The following DDX19B variants were observed in gnomAD, a reference collection of about 807,000 sequenced individuals.
DDX19B encodes the protein ATP-dependent RNA helicase DDX19B.
A neutral mutation model predicts 58.1 loss-of-function variants in DDX19B; 27 were observed. That is an observed-to-expected ratio of 0.46 (90% CI 0.34 to 0.64). The LOEUF is 0.64. Among genes scored for constraint, DDX19B ranks in the 30% least tolerant of loss-of-function variants. The pLI, the probability that DDX19B is intolerant of heterozygous loss-of-function variation, is 0.01. For missense variants in DDX19B, 399 were observed against 596.5 expected (o/e 0.67, Z 3.45); for synonymous variants, 187 against 214.4 (o/e 0.87, Z 1.12).
chr16:70,332,827 G>T, intron 10 of DDX19B, 141 bp from the exon 11 acceptor site: 1 of 1,492,354 alleles, frequency 6.7e-7, no homozygotes, highest in Admixed American at 1.9e-5. Context: ...TTCAGATCTG[G>T]CTTCCTGCAC....
At chr16:70,323,075 G>A (rs1962935589) in intron 5 of DDX19B, among the ~76,000 whole-genome samples, 1 of 151,904 alleles carries the variant, frequency 6.6e-6, no homozygotes, top group South Asian at 2.1e-4. Flanking sequence ...TCTTTGGCCT[G>A]CTGCGGCTGC....
At chr16:70,296,325 G>C (rs111603596), upstream of DDX19B, among the ~76,000 whole-genome samples, 1 of 150,908 alleles carries the variant, frequency 6.6e-6, no homozygotes, top group African/African-American at 2.4e-5. Context: ...TTTAAGAGGC[G>C]ATGGTTTCAC....
chr16:70,306,918 TTC>T (rs1961786526), intron 1 of DDX19B, among the ~76,000 whole-genome samples: 1 of 152,216 alleles, frequency 6.6e-6, no homozygotes. Context: ...CTAATCTACT[TTC>T]TGTCTCTTTA....
At chr16:70,318,867 G>C (rs538920326) in intron 5 of DDX19B, among the ~76,000 whole-genome samples, 15 of 151,690 alleles carry the variant, frequency 9.9e-5, no homozygotes, top group Admixed American at 5.3e-4. Context: ...CACTTTGGGA[G>C]GCCTAGCCAG....
At chr16:70,308,200 G>A (rs1420544503) in intron 1 of DDX19B, among the ~76,000 whole-genome samples, 1 of 151,574 alleles carries the variant, frequency 6.6e-6, no homozygotes, top group Non-Finnish European at 1.5e-5. Flanking sequence ...TGATCCACCT[G>A]CCTCGGCCTC....
rs1222953281 is a variant in DDX19B, at chr16:70,329,348, C to A, written c.664C>A (p.Leu222Met). 1 of 1,614,068 alleles carries A rather than the reference C, an allele frequency of 6.2e-7. No individual in the cohort carries two copies. The highest frequency in any genetic ancestry group is 1.7e-5 in the Admixed American group (1 of 60,004). Residue 222 changes from leucine to methionine, a missense_variant, in exon 8 of 12, where the codon CTG (leucine) becomes ATG (methionine). This residue lies in a region of DDX19B where 198 missense variants were observed against 345.9 expected (regional missense o/e 0.57). Coordinates refer to ENST00000288071, the MANE Select transcript of DDX19B (RefSeq NM_007242.7). ...QIVIGTPGTV[L>M]DWCSKLKFID... ...TGTCATTGGCACCCCTGGGACTGTG[C>A]TGGACTGGTGCTCCAAGCTCAAGTT...
intron 4 of DDX19B, 173 bp from the exon 5 acceptor site, chr16:70,317,323 G>A (rs953242426): frequency 1.2e-4 from 52 of 418,482 alleles, no homozygotes; most frequent in African/African-American, 1.0e-3. Context: ...GGATGTTGCA[G>A]TGAGCCGAGA....
chr16:70,306,518 G>C (rs1035853334), intron 1 of DDX19B, among the ~76,000 whole-genome samples: 1 of 152,166 alleles, frequency 6.6e-6, no homozygotes, highest in Admixed American at 6.6e-5. Context: ...GTTAGGAGTA[G>C]GTAGCTTTGA....
rs1300775673 is a variant in DDX19B, at chr16:70,333,647, G to A, written c.*65G>A. The A allele has an allele frequency of 6.2e-7, 1 of 1,612,510 alleles. No homozygotes were observed. The highest frequency in any genetic ancestry group is 8.5e-7 in the Non-Finnish European group (1 of 1,178,628). On this transcript the variant is annotated 3_prime_UTR_variant, in exon 12 of 12. Coordinates refer to ENST00000288071, the MANE Select transcript of DDX19B (RefSeq NM_007242.7). The stretch of plus-strand genomic sequence containing the variant: ...CCTGCACAGGAGACAAGTGCGTTCA[G>A]GGCACAGGCCCCGACATCACCCCAA...
intron 10 of DDX19B, among the ~76,000 whole-genome samples, chr16:70,332,250 C>G (rs1963523098): frequency 6.6e-6 from 1 of 152,166 alleles, no homozygotes; most frequent in Admixed American, 6.5e-5. Flanking sequence ...TGCTGTATGC[C>G]TGTATGTGCC....
At chr16:70,298,945 T>G (rs937987403), upstream of DDX19B, 72 of 301,634 alleles carry the variant, frequency 2.4e-4, 1 homozygote, top group Admixed American at 2.0e-4. Flanking sequence ...GTTCAATCTG[T>G]ATTAGTGCCT....
chr16:70,299,074 C>G, upstream of DDX19B: 1 of 1,195,756 alleles, frequency 8.4e-7, no homozygotes, highest in Non-Finnish European at 1.1e-6. Context: ...TTGCTCTGCC[C>G]GGGGTTGAGG....
chr16:70,290,058 A>T, upstream of DDX19B: 1 of 292,738 alleles, frequency 3.4e-6, no homozygotes, highest in East Asian at 8.9e-5. Context: ...GAAAAAAAAA[A>T]GTTAATATTT....
Position 70,329,401 on chromosome 16 carries a change from T to C in DDX19B, c.717T>C (p.Phe239=). The change falls in exon 8 of 12, where the codon TTT becomes TTC. Residue 239 remains phenylalanine (F), a synonymous_variant. Transcript: ENST00000288071. Reference sequence around the variant, plus strand: ...TTGATCCCAAGAAAATCAAGGTGTTTGTTCTGGATGAGGCTGATGTCATGA... The same window carrying C: ...TTGATCCCAAGAAAATCAAGGTGTTCGTTCTGGATGAGGCTGATGTCATGA... The part of the protein sequence containing the change: ...KFIDPKKIKV[F]VLDEADVMIA... 2.5e-6 allele frequency: 4 copies of C among 1,613,958 alleles called. No homozygotes were observed. Among genetic ancestry groups the C allele is most frequent in the Non-Finnish European group, 3.4e-6 (4 of 1,180,018 alleles).
chr16:70,312,556 C>A lies in DDX19B; in HGVS notation c.58-53C>A, dbSNP rs183188399. The A allele has an allele frequency of 9.6e-5, 148 of 1,535,624 alleles. No homozygotes were observed. In the African/African-American group the frequency reaches 1.8e-3, roughly 18 times the overall value. ...TAGGGAGGCTCTGTTGATTCCAAAT[C>A]TTTTTAAGTGCTTTTCCTGACACTT... On this transcript the variant is annotated intron_variant, in intron 1 of 11. Transcript: ENST00000288071.
At chr16:70,293,597 A>ATTTTTTTTTTTTTTTTTTTTTTTTTTTTT (rs71151182), upstream of DDX19B, among the ~76,000 whole-genome samples, 33 of 77,018 alleles carry the variant, frequency 4.3e-4, 6 homozygotes, top group African/African-American at 1.3e-3. Context: ...GGATGGCTGA[A>ATTTTTTTTTTTTTTTTTTTTTTTTTTTTT]TTTTTTTTTT....
At chr16:70,319,582 T>TC (rs974322417) in intron 5 of DDX19B, 2 of 151,820 alleles carry the variant, frequency 1.3e-5, no homozygotes, top group African/African-American at 4.8e-5. Flanking sequence ...ATCTCTTTTT[T>TC]TTTTTTGTCT....
rs1198376700 is a variant in DDX19B at position 70,325,455 on chromosome 16, T to C, written c.493-119T>C. 5.8e-6 allele frequency: 4 copies of C among 691,852 alleles called. No homozygotes were observed. The Admixed American group carries it at 1.0e-4, about 18-fold the overall frequency. 42.9% of individuals were successfully genotyped at this position (691,852 alleles called of 1,614,324 possible). A position where few individuals can be genotyped will look rare whatever the true frequency, so the allele number is the denominator to read the frequency against. On this transcript the variant is annotated intron_variant, in intron 6 of 11. Transcript: ENST00000288071. ...CTTAAAGAATCAAATGGTGTACATT[T>C]TAATGTACATATTCTTTCCTTCAGC...
intron 5 of DDX19B, among the ~76,000 whole-genome samples, chr16:70,320,960 C>CTTT (rs904476486): frequency 9.2e-5 from 10 of 108,660 alleles, no homozygotes; most frequent in African/African-American, 1.7e-4. Context: ...CCACACTAGG[C>CTTT]TTTTTTTTTT....
Sources: gnomAD v4.1 joint callset for allele counts (sites outside exome capture counted in the v4.1 genomes callset) on GRCh38, gnomAD v4.1.1 for gene constraint, gnomAD v4.1.1 regional missense constraint, MANE v1.5 for transcripts, NCBI Gene and HGNC (gene_info 2026-07-23, HGNC 2026-07-21) for gene names.